BRD9: variants seen among roughly 807,000 people sequenced by gnomAD.
BRD9 encodes the protein bromodomain containing 9.
In BRD9, 47 loss-of-function variants were observed where a neutral mutation model predicts 68.7. The observed-to-expected ratio is 0.68, with a 90% confidence interval of 0.54 to 0.87. The LOEUF is 0.87. BRD9 is among the 40% of genes least tolerant of loss of function. The pLI is 0.00. For synonymous variants in BRD9, 313 were observed against 293.9 expected (o/e 1.06, Z -0.67); for missense variants, 670 against 748.4 (o/e 0.90, Z 1.22).
chr5:889,553 C>CA, intron 4 of BRD9, 34 bp downstream of exon 4: 1 of 1,610,366 alleles, frequency 6.2e-7, no homozygotes, highest in Non-Finnish European at 8.5e-7. Context: ...CACACCCCCC[C>CA]AGACACTAGC....
intron 12 of BRD9, among the ~76,000 whole-genome samples, chr5:872,874 C>A (rs918153705): frequency 3.9e-5 from 6 of 152,198 alleles, no homozygotes; most frequent in African/African-American, 1.4e-4. Flanking sequence ...TAAAGACAAC[C>A]TCCCAGCACT....
chr5:874,658 G>A (rs73733908), intron 12 of BRD9, among the ~76,000 whole-genome samples: 5,725 of 152,312 alleles, frequency 0.038, 340 homozygotes, highest in African/African-American at 0.13. Context: ...AAATACGAAC[G>A]TGGCTCAAGG....
chr5:876,564 T>A (rs942923400), intron 11 of BRD9, among the ~76,000 whole-genome samples: 2 of 152,148 alleles, frequency 1.3e-5, no homozygotes, highest in African/African-American at 4.8e-5. Context: ...AGCACACCAG[T>A]GGGCAGTGCC....
chr5:865,687 A>G, intron 14 of BRD9, 106 bp from the exon 15 acceptor site: 1 of 1,268,296 alleles, frequency 7.9e-7, no homozygotes, highest in Non-Finnish European at 1.1e-6. Context: ...GCTCAGGACA[A>G]TAATTGCTCT....
chr5:866,114 CTGT>C (rs1169332039), intron 14 of BRD9: 1 of 152,496 alleles, frequency 6.6e-6, no homozygotes, highest in Admixed American at 6.5e-5. Context: ...GCACACAGGT[CTGT>C]GGTCACCTGA....
In BRD9 at chr5:880,955, C is replaced by T. The variant is rs555518308; in HGVS notation, c.1042+152G>A. ...GCCGTCCACACCTCCACTCAGCGCA[C>T]GTGTCACGTTGGGGTGCGAGCAAGG... On this transcript the variant is annotated intron_variant, in intron 9 of 15. Coordinates refer to ENST00000467963, the MANE Select transcript of BRD9 (RefSeq NM_023924.5). 4.8e-5 allele frequency: 36 copies of T among 748,866 alleles called. 1 individual carries two copies. Among genetic ancestry groups the T allele is most frequent in the Middle Eastern group, 2.4e-4 (1 of 4,130 alleles). The allele number at this position is 748,866 out of a possible 1,614,324, so 46.4% of individuals were successfully genotyped here. A position where few individuals can be genotyped will look rare whatever the true frequency, so the allele number is the denominator to read the frequency against.
At chr5:889,294 T>C in intron 4 of BRD9, 129 bp from the exon 5 acceptor site, 1 of 1,074,488 alleles carries the variant, frequency 9.3e-7, no homozygotes, top group Non-Finnish European at 1.3e-6. Context: ...ACGAGCGTCT[T>C]TTAATTTATT....
chr5:892,433 A>AC, intron 1 of BRD9, 173 bp downstream of exon 1: 2 of 1,379,784 alleles, frequency 1.4e-6, no homozygotes, highest in East Asian at 5.9e-5. Flanking sequence ...AGGACCCCTC[A>AC]CGTGTGCCCG....
At chr5:870,000 C>A (rs1231615325) in intron 14 of BRD9, among the ~76,000 whole-genome samples, 1 of 152,260 alleles carries the variant, frequency 6.6e-6, no homozygotes, top group Admixed American at 6.5e-5. Flanking sequence ...CTTCTGTCCA[C>A]ACACTAGGCT....
chr5:889,820 G>T, intron 3 of BRD9, 173 bp from the exon 4 acceptor site: 2 of 1,383,644 alleles, frequency 1.4e-6, no homozygotes, highest in Admixed American at 2.1e-5. Flanking sequence ...AAGCTCAGCC[G>T]GGTAGAAAGG....
intron 3 of BRD9, chr5:889,999 G>GT (rs2150655206): frequency 2.9e-6 from 1 of 340,730 alleles, no homozygotes; most frequent in African/African-American, 2.1e-5. Flanking sequence ...TGAATTCACC[G>GT]ATTATTATTT....
intron 8 of BRD9, 192 bp downstream of exon 8, chr5:883,746 G>T: frequency 1.3e-6 from 1 of 759,546 alleles, no homozygotes; most frequent in Non-Finnish European, 2.1e-6. Flanking sequence ...CGGCAGCCCT[G>T]CCAGAGGCAC....
chr5:890,610 C>T (rs1050899565), intron 3 of BRD9, among the ~76,000 whole-genome samples: 1 of 152,236 alleles, frequency 6.6e-6, no homozygotes, highest in Non-Finnish European at 1.5e-5. Flanking sequence ...TTGTCTCAGC[C>T]TATGGTCACT....
Position 886,704 on chromosome 5 carries a change from C to A in BRD9, c.721G>T (p.Ala241Ser), listed in dbSNP as rs1451402575. 1 of 1,614,148 alleles carries A rather than the reference C, an allele frequency of 6.2e-7. No homozygotes were observed. Among genetic ancestry groups the A allele is most frequent in the Non-Finnish European group, 8.5e-7 (1 of 1,180,010 alleles). The change falls in exon 7 of 16, where the codon GCA becomes TCA. Residue 241 changes from alanine to serine, a missense_variant. Ala to Ser is a moderately conservative substitution (Grantham distance 99, BLOSUM62 1). Transcript: ENST00000467963. ...HAGFKMMSKQ[A>S]ALLGNEDTAV... The stretch of plus-strand genomic sequence containing the variant: ...GTATCTTCATTGCCCAAAAGAGCTG[C>A]CTGCTGAGAAAAATCCATGTCCTGC...
chr5:874,160 T>C (rs1265218187), intron 12 of BRD9, among the ~76,000 whole-genome samples: 1 of 152,232 alleles, frequency 6.6e-6, no homozygotes, highest in Admixed American at 6.5e-5. Context: ...TAGAGTGCGG[T>C]GGTGCAATCG....
intron 2 of BRD9, 48 bp from the exon 3 acceptor site, chr5:891,335 C>G (rs1753357380): frequency 6.5e-7 from 1 of 1,538,888 alleles, no homozygotes; most frequent in Non-Finnish European, 8.8e-7. Context: ...TAGGCGGGAT[C>G]CGGACAGGTC....
chr5:876,074 C>T (rs1211473343), intron 12 of BRD9, 27 bp downstream of exon 12: 2 of 1,558,448 alleles, frequency 1.3e-6, no homozygotes, highest in Non-Finnish European at 1.8e-6. Flanking sequence ...GCACCTGCCC[C>T]CCAACCCCGG....
intron 12 of BRD9, 49 bp from the exon 13 acceptor site, chr5:871,613 A>T: frequency 1.3e-6 from 2 of 1,552,154 alleles, no homozygotes; most frequent in Non-Finnish European, 1.8e-6. Context: ...GTGATTTCAT[A>T]GAAACGGACA....
chr5:889,786 T>A, intron 3 of BRD9, 139 bp from the exon 4 acceptor site: 1 of 1,487,556 alleles, frequency 6.7e-7, no homozygotes, highest in Non-Finnish European at 9.0e-7. Context: ...TAAAGATACA[T>A]CCGACTCAGC....
Sources: gnomAD v4.1 joint callset for allele counts (sites outside exome capture counted in the v4.1 genomes callset) on GRCh38, gnomAD v4.1.1 for gene constraint, MANE v1.5 for transcripts, NCBI Gene and HGNC (gene_info 2026-07-23, HGNC 2026-07-21) for gene names.